The following CRLF3 variants were observed in gnomAD, a reference collection of about 807,000 sequenced individuals.
CRLF3 encodes cytokine receptor-like factor 3.
CRLF3 carries 33 observed loss-of-function variants against 55.0 expected under a neutral mutation model. That is an observed-to-expected ratio of 0.60 (90% CI 0.46 to 0.80). The LOEUF (loss-of-function observed/expected upper bound fraction) is 0.80, where lower values mean the gene tolerates loss of function less well. CRLF3 is among the 30% of genes least tolerant of loss of function. The pLI, the probability that CRLF3 is intolerant of heterozygous loss-of-function variation, is 0.00. For missense variants in CRLF3, 494 were observed against 538.4 expected, an observed-to-expected ratio of 0.92 and a Z score of 0.82; for synonymous variants, 238 against 196.8, an observed-to-expected ratio of 1.21 and a Z score of -1.75.
chr17:30,818,818 G>T (rs1490962987), intron 1 of CRLF3, among the ~76,000 whole-genome samples: 1 of 144,464 alleles, frequency 6.9e-6, no homozygotes, highest in African/African-American at 2.6e-5. Context: ...AATAACTTTT[G>T]AGTGTTTTTT....
chr17:30,814,046 C>A (rs2142270653), intron 1 of CRLF3, among the ~76,000 whole-genome samples: 1 of 152,166 alleles, frequency 6.6e-6, no homozygotes, highest in Admixed American at 6.6e-5. Flanking sequence ...CACTTGAGGC[C>A]AGGAGTTCAA....
At position 30,824,521 on chromosome 17, in the gene CRLF3, A is replaced by G. The variant is rs1905085221; in HGVS notation, c.129+2T>C. On this transcript the variant is annotated splice_donor_variant, in intron 1 of 7. Coordinates refer to ENST00000324238, the MANE Select transcript of CRLF3 (RefSeq NM_015986.4). LOFTEE classifies it high-confidence loss of function. ...GCGCCCCTGTGGGTGTGGCCCTCCGACCTGCCTCCGCGCCTCACGCAGCCC... is the reference window on the plus strand; with the variant it reads ...GCGCCCCTGTGGGTGTGGCCCTCCGGCCTGCCTCCGCGCCTCACGCAGCCC... 6.3e-7 allele frequency: 1 copy of G among 1,584,072 alleles called. No individual in the cohort carries two copies. Among genetic ancestry groups the G allele is most frequent in the Non-Finnish European group, 8.5e-7 (1 of 1,171,198 alleles).
At chr17:30,803,674 T>C (rs1477969076) in intron 2 of CRLF3, 1 of 517,788 alleles carries the variant, frequency 1.9e-6, no homozygotes, top group Non-Finnish European at 3.5e-6. Flanking sequence ...GATCTAATGG[T>C]ATTTTAAGGG....
intron 5 of CRLF3, among the ~76,000 whole-genome samples, 172 bp downstream of exon 5, chr17:30,793,278 T>A (rs9899525): frequency 0.13 from 19,338 of 152,176 alleles, 1,294 homozygotes; most frequent in South Asian, 0.25. Context: ...GAAGAACTGA[T>A]GAAAACAAAA....
At chr17:30,817,046 G>T (rs912098440) in intron 1 of CRLF3, among the ~76,000 whole-genome samples, 12 of 151,938 alleles carry the variant, frequency 7.9e-5, no homozygotes, top group African/African-American at 2.9e-4. Context: ...AATTAGTTTT[G>T]CTTCCAGTAT....
chr17:30,799,165 C>T (rs900405998), intron 2 of CRLF3, among the ~76,000 whole-genome samples: 7 of 147,978 alleles, frequency 4.7e-5, no homozygotes, highest in African/African-American at 1.2e-4. Flanking sequence ...CCCAGCTACT[C>T]GGGAGGCTGA....
intron 1 of CRLF3, among the ~76,000 whole-genome samples, chr17:30,811,454 G>GAACA (rs1180936966): frequency 2.1e-5 from 3 of 146,120 alleles, no homozygotes; most frequent in Non-Finnish European, 4.5e-5. Flanking sequence ...ACTCTGTCTC[G>GAACA]AACAAACAAA....
chr17:30,811,673 G>T (rs968667234), intron 1 of CRLF3, among the ~76,000 whole-genome samples: 37 of 148,478 alleles, frequency 2.5e-4, no homozygotes, highest in Non-Finnish European at 3.9e-4. Flanking sequence ...TCATGGTGGC[G>T]GGCACCTGTA....
chr17:30,796,950 G>A (rs1971927797), intron 3 of CRLF3, among the ~76,000 whole-genome samples: 1 of 152,048 alleles, frequency 6.6e-6, no homozygotes, highest in African/African-American at 2.4e-5. Flanking sequence ...CCAGGCTGGA[G>A]TGTAGTGGTA....
chr17:30,824,161 C>G (rs1337307909), intron 1 of CRLF3, among the ~76,000 whole-genome samples: 1 of 151,908 alleles, frequency 6.6e-6, no homozygotes, highest in Non-Finnish European at 1.5e-5. Flanking sequence ...CCCCGCCTAC[C>G]CACCGCAGGT....
chr17:30,807,049 C>T (rs751207730), intron 1 of CRLF3, among the ~76,000 whole-genome samples: 8 of 152,082 alleles, frequency 5.3e-5, no homozygotes, highest in East Asian at 1.9e-4. Flanking sequence ...CTGACCTGGG[C>T]GACAGAGCAA....
rs1370656622 is a variant in CRLF3, at chr17:30,818,456, C to CTT, written c.129+6065_129+6066dup. ...GCAATAATGGCTTTCTTTTCTTTTC[C>CTT]TTTTTTTTTTTTTTTTGAGACAGTT... On this transcript the variant is annotated intron_variant, in intron 1 of 7. Transcript: ENST00000324238. Among the ~76,000 whole-genome samples the CTT allele has an allele frequency of 3.2e-4, 43 of 133,238 alleles. 1 individual carries two copies. Among genetic ancestry groups the CTT allele is most frequent in the African/African-American group, 5.8e-4 (21 of 36,298 alleles). The allele number at this position is 133,238 out of a possible 152,430, so 87.4% of individuals were successfully genotyped here.
At chr17:30,797,052 G>A (rs76094257) in intron 3 of CRLF3, among the ~76,000 whole-genome samples, 60 of 151,794 alleles carry the variant, frequency 4.0e-4, no homozygotes, top group African/African-American at 1.1e-3. Flanking sequence ...GTCCATGCCC[G>A]TCTAATTTTT....
At chr17:30,785,054 AC>A (rs1971608183) in intron 7 of CRLF3, 1 of 147,436 alleles carries the variant, frequency 6.8e-6, no homozygotes, top group Non-Finnish European at 1.5e-5. Flanking sequence ...AGCCAACACC[AC>A]AAAATATTAT....
chr17:30,814,150 G>A (rs976224105), intron 1 of CRLF3, among the ~76,000 whole-genome samples: 4 of 152,014 alleles, frequency 2.6e-5, no homozygotes, highest in Non-Finnish European at 2.9e-5. Context: ...CCAGATACTC[G>A]GGAGGATGAG....
Position 30,798,144 on chromosome 17 carries a change from C to T in CRLF3, c.338-746G>A, listed in dbSNP as rs141002513. On this transcript the variant is annotated intron_variant, in intron 2 of 7. Coordinates refer to ENST00000324238, the MANE Select transcript of CRLF3 (RefSeq NM_015986.4). ...CCTGTAATCCCAGCACTTTGGGAGG[C>T]GGAGGCAGGTGGATCACGAGGTCAG... 5.6e-3 allele frequency among the ~76,000 whole-genome samples: 845 copies of T among 152,112 alleles called. 3 individuals are homozygous for T. The highest frequency in any genetic ancestry group is 0.017 in the Middle Eastern group (5 of 294).
chr17:30,797,282 G>T (rs748397429), intron 3 of CRLF3, 29 bp downstream of exon 3: 1 of 1,497,690 alleles, frequency 6.7e-7, no homozygotes, highest in Non-Finnish European at 9.3e-7. Flanking sequence ...ATGCTTAAAA[G>T]TAAGTCAAAA....
At chr17:30,795,586 T>C (rs568166432) in intron 4 of CRLF3, among the ~76,000 whole-genome samples, 202 of 151,458 alleles carry the variant, frequency 1.3e-3, no homozygotes, top group African/African-American at 4.5e-3. Context: ...GCAGATCACC[T>C]GAGGTCGGAG....
At chr17:30,824,485 C>T in intron 1 of CRLF3, 38 bp downstream of exon 1, 4 of 1,554,292 alleles carry the variant, frequency 2.6e-6, no homozygotes, top group South Asian at 1.2e-5. Flanking sequence ...CGCGCCACCC[C>T]CGGGCCCACA....
Sources: gnomAD v4.1 joint callset for allele counts (sites outside exome capture counted in the v4.1 genomes callset) on GRCh38, gnomAD v4.1.1 for gene constraint, MANE v1.5 for transcripts, NCBI Gene and HGNC (gene_info 2026-07-23, HGNC 2026-07-21) for gene names.